Variants in MYO3B observed in about 807,000 individuals in gnomAD.
MYO3B encodes myosin-IIIb.
A neutral mutation model predicts 174.6 loss-of-function variants in MYO3B; 156 were observed. The observed-to-expected ratio is 0.89, with a 90% CI of 0.78 to 1.02. The LOEUF (loss-of-function observed/expected upper bound fraction) is 1.02. Ranked by LOEUF, MYO3B falls within the 50% of genes least tolerant of loss-of-function variation. MYO3B has a pLI of 0.00. For missense variants in MYO3B, 1,632 were observed against 1,639.4 expected (o/e 1.00, Z 0.08); for synonymous variants, 563 against 569.1 (o/e 0.99, Z 0.15).
chr2:170,442,497 CTTTT>C (rs34632756), intron 22 of MYO3B, among the ~76,000 whole-genome samples: 36 of 136,868 alleles, frequency 2.6e-4, no homozygotes, highest in Non-Finnish European at 3.0e-4. Context: ...AGGAGGTGTT[CTTTT>C]TTTTTTTTTT....
chr2:170,631,499 TC>T (rs1371421008), intron 32 of MYO3B, among the ~76,000 whole-genome samples: 2 of 151,766 alleles, frequency 1.3e-5, no homozygotes, highest in African/African-American at 4.8e-5. Context: ...CAGGAGAACT[TC>T]CCCAACCTAG....
intron 16 of MYO3B, 125 bp downstream of exon 16, chr2:170,392,620 G>T: frequency 1.8e-6 from 1 of 543,466 alleles, no homozygotes; most frequent in East Asian, 3.3e-5. Flanking sequence ...ATGTTATAAG[G>T]TCTTGCTACT....
intron 25 of MYO3B, among the ~76,000 whole-genome samples, chr2:170,490,528 T>A (rs1471101300): frequency 6.8e-6 from 1 of 146,686 alleles, no homozygotes; most frequent in Non-Finnish European, 1.5e-5. Context: ...ACATGGATGT[T>A]ATTTTTTTTT....
At chr2:170,641,971 A>G (rs750596262) in intron 32 of MYO3B, among the ~76,000 whole-genome samples, 3 of 152,062 alleles carry the variant, frequency 2.0e-5, no homozygotes, top group Non-Finnish European at 4.4e-5. Flanking sequence ...AAGGACAGTA[A>G]TAAAAAATAC....
rs73016919 is a variant in MYO3B at position 170,319,509 on chromosome 2, A to G, written c.750-15876A>G. 6.0e-3 allele frequency among the ~76,000 whole-genome samples: 916 copies of G among 152,326 alleles called. 15 individuals are homozygous for G. Among genetic ancestry groups the G allele is most frequent in the African/African-American group, 0.021 (866 of 41,576 alleles). On this transcript the variant is annotated intron_variant, in intron 7 of 34. Transcript: ENST00000408978. ...ACAGAGGGAAAAAAAGACATTGAAGAAAAATTAACAGAGCTACAAAGACCC... is the reference window on the plus strand; with the variant it reads ...ACAGAGGGAAAAAAAGACATTGAAGGAAAATTAACAGAGCTACAAAGACCC...
intron 32 of MYO3B, 55 bp from the exon 33 acceptor site, chr2:170,651,573 C>A: frequency 1.4e-6 from 2 of 1,470,580 alleles, no homozygotes; most frequent in Admixed American, 3.4e-5. Flanking sequence ...CCATTTTTCA[C>A]TTAATTTTCC....
At chr2:170,471,877 A>T (rs1210263796) in intron 25 of MYO3B, among the ~76,000 whole-genome samples, 1 of 151,868 alleles carries the variant, frequency 6.6e-6, no homozygotes, top group Non-Finnish European at 1.5e-5. Flanking sequence ...TGTAATCCCA[A>T]CTACTTGGGA....
chr2:170,428,348 G>A (rs147174793), intron 22 of MYO3B, among the ~76,000 whole-genome samples: 1 of 152,278 alleles, frequency 6.6e-6, no homozygotes, highest in African/African-American at 2.4e-5. Context: ...AATACATTTT[G>A]CAGATTTTAG....
intron 7 of MYO3B, among the ~76,000 whole-genome samples, chr2:170,291,712 G>GA (rs2093597428): frequency 1.2e-4 from 1 of 8,336 alleles, no homozygotes; most frequent in Admixed American, 2.6e-3. Context: ...TTGGATGACA[G>GA]GTTTTTTTTA....
chr2:170,652,866 C>T, intron 34 of MYO3B, 117 bp from the exon 35 acceptor site: 3 of 1,117,048 alleles, frequency 2.7e-6, no homozygotes, highest in Non-Finnish European at 3.9e-6. Flanking sequence ...TGTCCTTCCC[C>T]TCCAGTGTTG....
At chr2:170,608,009 C>CT (rs536832413) in intron 32 of MYO3B, among the ~76,000 whole-genome samples, 83 of 152,306 alleles carry the variant, frequency 5.4e-4, no homozygotes, top group African/African-American at 1.9e-3. Context: ...AGTTTGTACA[C>CT]TTTTAAGGAT....
intron 7 of MYO3B, among the ~76,000 whole-genome samples, chr2:170,259,510 G>C (rs1259999197): frequency 6.6e-6 from 1 of 152,172 alleles, no homozygotes; most frequent in East Asian, 1.9e-4. Context: ...TCCTTTTGCA[G>C]AAGAATGAAG....
intron 1 of MYO3B, among the ~76,000 whole-genome samples, chr2:170,198,854 G>A (rs1043449886): frequency 1.3e-5 from 2 of 152,092 alleles, no homozygotes; most frequent in Admixed American, 1.3e-4. Context: ...ACAGTTTTCA[G>A]CCACTTTCCC....
chr2:170,414,326 T>C (rs2094564748), intron 22 of MYO3B, among the ~76,000 whole-genome samples: 1 of 152,092 alleles, frequency 6.6e-6, no homozygotes, highest in African/African-American at 2.4e-5. Context: ...TAGCTGGAAT[T>C]ACAGGCCCCC....
intron 8 of MYO3B, among the ~76,000 whole-genome samples, chr2:170,347,156 A>C (rs1269598785): frequency 6.6e-6 from 1 of 152,222 alleles, no homozygotes; most frequent in Non-Finnish European, 1.5e-5. Flanking sequence ...AGTACAGATA[A>C]TAATATTAAC....
chr2:170,596,943 C>T (rs781665938), intron 32 of MYO3B, among the ~76,000 whole-genome samples: 1 of 152,178 alleles, frequency 6.6e-6, no homozygotes, highest in Non-Finnish European at 1.5e-5. Context: ...GGTTTTCTGT[C>T]TACACATTTT....
At chr2:170,321,516 G>A (rs1431743831) in intron 7 of MYO3B, among the ~76,000 whole-genome samples, 2 of 152,104 alleles carry the variant, frequency 1.3e-5, no homozygotes, top group African/African-American at 2.4e-5. Context: ...AGTTCCTTGC[G>A]AATGAACTTG....
intron 8 of MYO3B, chr2:170,349,512 C>T (rs746848053): frequency 6.6e-6 from 1 of 151,978 alleles, no homozygotes; most frequent in Admixed American, 6.6e-5. Context: ...AATTATGCAC[C>T]TCATGGCCGG....
chr2:170,372,118 CAAAAAAAAAAA>C (rs769243145), intron 9 of MYO3B, among the ~76,000 whole-genome samples: 3 of 22,216 alleles, frequency 1.4e-4, no homozygotes, highest in Non-Finnish European at 1.9e-4. Context: ...GACCCTGTCT[CAAAAAAAAAAA>C]AAAAAAAAAA....
Sources: gnomAD v4.1 joint callset for allele counts (sites outside exome capture counted in the v4.1 genomes callset) on GRCh38, gnomAD v4.1.1 for gene constraint, MANE v1.5 for transcripts, NCBI Gene and HGNC (gene_info 2026-07-23, HGNC 2026-07-21) for gene names.